The following USH2A variants were observed in gnomAD, a reference collection of about 807,000 sequenced individuals.
The protein encoded by USH2A is usherin.
USH2A carries 443 observed loss-of-function variants against 538.9 expected under a neutral mutation model. That is an observed-to-expected ratio of 0.82 (90% CI 0.76 to 0.89). USH2A has a LOEUF of 0.89. USH2A is among the 40% of genes least tolerant of loss of function. The probability of loss-of-function intolerance (pLI) is 0.00; values close to 1 mark genes in which losing one functional copy is unlikely to be tolerated. For synonymous variants in USH2A, 2,413 were observed against 2,273.5 expected, an observed-to-expected ratio of 1.06 and a Z score of -1.75; for missense variants, 6,633 against 6,324.8, an observed-to-expected ratio of 1.05 and a Z score of -1.65.
chr1:215,655,901 A>G (rs997267667), intron 64 of USH2A, among the ~76,000 whole-genome samples: 1 of 151,768 alleles, frequency 6.6e-6, no homozygotes, highest in Non-Finnish European at 1.5e-5. Flanking sequence ...ACACCTGGCT[A>G]ATTTTTTGTA....
intron 32 of USH2A, among the ~76,000 whole-genome samples, chr1:216,010,140 A>C (rs548229418): frequency 1.3e-5 from 2 of 152,252 alleles, no homozygotes; most frequent in East Asian, 1.9e-4. Flanking sequence ...CAAGGTGTAC[A>C]ATAATAGAAA....
intron 11 of USH2A, among the ~76,000 whole-genome samples, chr1:216,279,877 C>A (rs994314411): frequency 6.6e-6 from 1 of 152,048 alleles, no homozygotes; most frequent in South Asian, 2.1e-4. Flanking sequence ...GGTCTCCCTA[C>A]CTTATCACCA....
chr1:215,866,510 C>T (rs769758860), intron 44 of USH2A, among the ~76,000 whole-genome samples: 1 of 152,164 alleles, frequency 6.6e-6, no homozygotes, highest in Admixed American at 6.5e-5. Context: ...TGAAGATGAT[C>T]CACTGGGAAG....
chr1:216,250,817 T>C (rs1267568536), intron 12 of USH2A, 86 bp downstream of exon 12: 1 of 1,468,986 alleles, frequency 6.8e-7, no homozygotes, highest in Non-Finnish European at 9.4e-7. Flanking sequence ...AGAAATTTGC[T>C]TTACTCTTCA....
At chr1:215,955,396 G>A (rs1171091936) in intron 37 of USH2A, among the ~76,000 whole-genome samples, 1 of 152,028 alleles carries the variant, frequency 6.6e-6, no homozygotes, top group Non-Finnish European at 1.5e-5. Context: ...TTCAACTCTG[G>A]ATAGAGAAAA....
chr1:215,916,175 CTT>C (rs1436829984), intron 38 of USH2A, among the ~76,000 whole-genome samples: 1 of 151,522 alleles, frequency 6.6e-6, no homozygotes, highest in African/African-American at 2.4e-5. Context: ...TACCCTGAAA[CTT>C]AAAGTATAAT....
At chr1:216,175,894 G>A (rs772781406) in intron 20 of USH2A, among the ~76,000 whole-genome samples, 11 of 152,038 alleles carry the variant, frequency 7.2e-5, no homozygotes, top group African/African-American at 1.9e-4. Context: ...CCCCTTCTGC[G>A]TAGAACTTCC....
chr1:216,078,042 A>G, intron 27 of USH2A, 47 bp downstream of exon 27: 2 of 1,612,246 alleles, frequency 1.2e-6, no homozygotes, highest in Non-Finnish European at 1.7e-6. Context: ...AAAAACTGTT[A>G]GCACCAGGGC....
chr1:215,807,333 T>G (rs1662532264), intron 49 of USH2A, among the ~76,000 whole-genome samples: 1 of 152,118 alleles, frequency 6.6e-6, no homozygotes, highest in African/African-American at 2.4e-5. Context: ...AGCCACGAAG[T>G]GTCTGGTCAT....
Position 215,640,868 on chromosome 1 carries a change from C to T in USH2A, c.14792-134G>A, listed in dbSNP as rs931908289. On this transcript the variant is annotated intron_variant, in intron 67 of 71. Transcript: ENST00000307340. Reference sequence around the variant, plus strand: ...ACAAAAAAAAAAAAAAAAAAGAAAACCAACATTGCTAGAATCCTTCACTTT... The same window carrying T: ...ACAAAAAAAAAAAAAAAAAAGAAAATCAACATTGCTAGAATCCTTCACTTT... 5.6e-5 allele frequency: 52 copies of T among 926,288 alleles called. 3 individuals carry two copies. In the Middle Eastern group the frequency reaches 8.8e-4, roughly 16 times the overall value. The allele number at this position is 926,288 out of a possible 1,614,324, so 57.4% of individuals were successfully genotyped here. A position where few individuals can be genotyped will look rare whatever the true frequency, so the allele number is the denominator to read the frequency against.
At chr1:216,030,326 AAT>A (rs545959784) in intron 32 of USH2A, among the ~76,000 whole-genome samples, 2,354 of 137,228 alleles carry the variant, frequency 0.017, 80 homozygotes, top group African/African-American at 0.059. Context: ...ACAGATATAT[AAT>A]ATATATGATA....
rs1001786742 is a variant in USH2A at position 215,875,721 on chromosome 1, A to C, written c.8681+2037T>G. On this transcript the variant is annotated intron_variant, in intron 43 of 71. Transcript: ENST00000307340. Reference sequence around the variant, plus strand: ...AAACTCAGATTCAGTAATGTTAAAGAGTCAAGTTCTATTTATTTTTTGAAA... The same window carrying C: ...AAACTCAGATTCAGTAATGTTAAAGCGTCAAGTTCTATTTATTTTTTGAAA... 9.9e-5 allele frequency among the ~76,000 whole-genome samples: 15 copies of C among 151,880 alleles called. No homozygotes were observed. In the East Asian group the frequency reaches 2.9e-3, roughly 29 times the overall value.
At chr1:216,317,407 G>A (rs558684838) in intron 9 of USH2A, among the ~76,000 whole-genome samples, 4 of 152,164 alleles carry the variant, frequency 2.6e-5, no homozygotes, top group African/African-American at 7.2e-5. Flanking sequence ...GGTGGGGGCT[G>A]TGGGGGGAAG....
intron 4 of USH2A, among the ~76,000 whole-genome samples, chr1:216,340,536 C>CAAAAAAAA (rs58985032): frequency 8.3e-6 from 1 of 119,902 alleles, no homozygotes; most frequent in African/African-American, 2.9e-5. Flanking sequence ...AGAGACATGA[C>CAAAAAAAA]AAAAAAAAAA....
At chr1:216,380,624 A>AG (rs1195968828) in intron 3 of USH2A, among the ~76,000 whole-genome samples, 23 of 152,188 alleles carry the variant, frequency 1.5e-4, no homozygotes, top group Non-Finnish European at 2.8e-4. Flanking sequence ...AAAATATGGG[A>AG]GAAAAAACAG....
At chr1:215,752,093 C>T (rs532365176) in intron 58 of USH2A, among the ~76,000 whole-genome samples, 8 of 152,178 alleles carry the variant, frequency 5.3e-5, no homozygotes, top group Non-Finnish European at 8.8e-5. Flanking sequence ...CTCTCTGCCT[C>T]TCTCTCTCTT....
rs1667764835 is a variant in USH2A, at chr1:215,982,077, A to G, written c.6805+10943T>C. Reference sequence around the variant, plus strand: ...GGAACTATTTCAAAACAAAGTCAAAAGCTTCCAAGCCAATTGTCTTCTTTT... The same window carrying G: ...GGAACTATTTCAAAACAAAGTCAAAGGCTTCCAAGCCAATTGTCTTCTTTT... On this transcript the variant is annotated intron_variant, in intron 35 of 71. Coordinates refer to ENST00000307340, the MANE Select transcript of USH2A (RefSeq NM_206933.4). Among the ~76,000 whole-genome samples, 6 of 152,340 alleles carry G rather than the reference A, an allele frequency of 3.9e-5. No homozygotes were observed. The South Asian group carries it at 1.2e-3, about 32-fold the overall frequency.
intron 41 of USH2A, among the ~76,000 whole-genome samples, chr1:215,879,492 A>G (rs531210031): frequency 2.0e-5 from 3 of 152,372 alleles, no homozygotes; most frequent in African/African-American, 7.2e-5. Flanking sequence ...TAAATGAAAC[A>G]TCAGAACTCA....
intron 64 of USH2A, among the ~76,000 whole-genome samples, chr1:215,664,801 C>T (rs970246144): frequency 6.6e-6 from 1 of 152,136 alleles, no homozygotes; most frequent in African/African-American, 2.4e-5. Context: ...AAGGAGAAGA[C>T]CATTATCTGT....
Sources: gnomAD v4.1 joint callset for allele counts (sites outside exome capture counted in the v4.1 genomes callset) on GRCh38, gnomAD v4.1.1 for gene constraint, MANE v1.5 for transcripts, NCBI Gene and HGNC (gene_info 2026-07-23, HGNC 2026-07-21) for gene names.